Variants in MDFIC2 observed in about 807,000 individuals in gnomAD.
MDFIC2 encodes the protein myoD family inhibitor domain-containing protein 2.
chr3:70,200,304 T>A (rs1042483432), intron 3 of MDFIC2, among the ~76,000 whole-genome samples: 2 of 152,188 alleles, frequency 1.3e-5, no homozygotes, highest in African/African-American at 4.8e-5. Context: ...ACTCTCCCCT[T>A]AGAGAAAAGT....
chr3:70,307,830 C>A (rs185085178), intron 2 of MDFIC2, among the ~76,000 whole-genome samples: 1 of 152,130 alleles, frequency 6.6e-6, no homozygotes, highest in African/African-American at 2.4e-5. Flanking sequence ...AGCACTCAAT[C>A]GGTTTTCTCA....
chr3:70,211,248 C>G (rs1444656823), intron 2 of MDFIC2, among the ~76,000 whole-genome samples: 1 of 151,416 alleles, frequency 6.6e-6, no homozygotes, highest in African/African-American at 2.4e-5. Context: ...CCTTTTCCTT[C>G]CTTTCTGCTT....
intron 2 of MDFIC2, among the ~76,000 whole-genome samples, chr3:70,209,004 G>C (rs1701316708): frequency 3.3e-5 from 5 of 152,054 alleles, no homozygotes; most frequent in Admixed American, 2.6e-4. Flanking sequence ...CTACAGATGA[G>C]AGAACACTAG....
At chr3:70,277,476 C>T (rs1404612408) in intron 2 of MDFIC2, among the ~76,000 whole-genome samples, 2 of 152,126 alleles carry the variant, frequency 1.3e-5, no homozygotes, top group African/African-American at 4.8e-5. Context: ...TCTTGATTCA[C>T]TTGATAATAT....
intron 2 of MDFIC2, among the ~76,000 whole-genome samples, chr3:70,270,528 T>A (rs1212486077): frequency 6.6e-6 from 1 of 152,212 alleles, no homozygotes; most frequent in African/African-American, 2.4e-5. Context: ...CTTTCTCAAG[T>A]ATGTATATAC....
intron 2 of MDFIC2, among the ~76,000 whole-genome samples, chr3:70,255,858 A>G (rs1188014802): frequency 2.0e-5 from 3 of 152,162 alleles, no homozygotes; most frequent in African/African-American, 7.2e-5. Context: ...AACTTTAGAA[A>G]ATGCTTTAAC....
intron 2 of MDFIC2, among the ~76,000 whole-genome samples, chr3:70,237,789 G>A (rs1701624716): frequency 6.6e-6 from 1 of 152,072 alleles, no homozygotes; most frequent in African/African-American, 2.4e-5. Context: ...CCGGTGCCAT[G>A]GCAGCCATAT....
intron 2 of MDFIC2, among the ~76,000 whole-genome samples, chr3:70,293,821 T>G (rs2106695617): frequency 6.6e-6 from 1 of 152,052 alleles, no homozygotes; most frequent in Non-Finnish European, 1.5e-5. Flanking sequence ...AGGAACCTGG[T>G]TATATTTATT....
At chr3:70,235,687 G>A (rs1178966326) in intron 2 of MDFIC2, among the ~76,000 whole-genome samples, 1 of 152,186 alleles carries the variant, frequency 6.6e-6, no homozygotes, top group African/African-American at 2.4e-5. Flanking sequence ...TCTGCACAAT[G>A]TGTAAGGGTT....
chr3:70,301,899 A>G (rs112025244), intron 2 of MDFIC2, among the ~76,000 whole-genome samples: 23 of 152,208 alleles, frequency 1.5e-4, no homozygotes, highest in African/African-American at 5.1e-4. Context: ...TTGATACGTG[A>G]AAGAGGAGTT....
intron 2 of MDFIC2, among the ~76,000 whole-genome samples, chr3:70,256,557 C>T (rs1044149107): frequency 1.3e-5 from 2 of 152,092 alleles, no homozygotes; most frequent in Non-Finnish European, 2.9e-5. Flanking sequence ...GAAATTAATA[C>T]AATATTGGAA....
chr3:70,220,210 C>G (rs915466083), intron 2 of MDFIC2, among the ~76,000 whole-genome samples: 4 of 151,992 alleles, frequency 2.6e-5, no homozygotes, highest in Admixed American at 2.0e-4. Flanking sequence ...CTCAGTTTGT[C>G]TTTTCTGTGT....
chr3:70,211,083 A>T (rs1701340410), intron 2 of MDFIC2, among the ~76,000 whole-genome samples: 1 of 151,944 alleles, frequency 6.6e-6, no homozygotes, highest in African/African-American at 2.4e-5. Context: ...CTCTCATTTG[A>T]CTCTTCATAG....
chr3:70,205,817 A>G (rs931232673), intron 3 of MDFIC2: 1 of 152,110 alleles, frequency 6.6e-6, no homozygotes, highest in Non-Finnish European at 1.5e-5. Context: ...GAGAAACTCC[A>G]GGCTTTCTTT....
At chr3:70,229,986 TAC>T (rs1355187954) in intron 2 of MDFIC2, among the ~76,000 whole-genome samples, 2 of 152,164 alleles carry the variant, frequency 1.3e-5, no homozygotes, top group African/African-American at 4.8e-5. Flanking sequence ...CTAAGATTTG[TAC>T]AAAGTATAAT....
chr3:70,219,535 A>G (rs1701443178), intron 2 of MDFIC2, among the ~76,000 whole-genome samples: 1 of 152,192 alleles, frequency 6.6e-6, no homozygotes, highest in African/African-American at 2.4e-5. Context: ...GATTGCAAGA[A>G]TAAGTTTGTA....
chr3:70,219,036 A>T (rs1701438650), intron 2 of MDFIC2, among the ~76,000 whole-genome samples: 1 of 152,168 alleles, frequency 6.6e-6, no homozygotes, highest in Non-Finnish European at 1.5e-5. Flanking sequence ...ATTTGTTCCA[A>T]TTTTTAGTAA....
chr3:70,254,127 A>G (rs1185849360), intron 2 of MDFIC2, among the ~76,000 whole-genome samples: 2 of 124,282 alleles, frequency 1.6e-5, no homozygotes, highest in African/African-American at 3.0e-5. Context: ...GTAATTGTAC[A>G]TAACAAAACC....
intron 2 of MDFIC2, among the ~76,000 whole-genome samples, chr3:70,296,138 C>T (rs772895396): frequency 3.9e-5 from 6 of 152,118 alleles, no homozygotes; most frequent in Non-Finnish European, 5.9e-5. Context: ...TTTATCAGTA[C>T]ATTTTCTTTA....
Sources: gnomAD v4.1 joint callset for allele counts (sites outside exome capture counted in the v4.1 genomes callset) on GRCh38, gnomAD v4.1.1 for gene constraint, MANE v1.5 for transcripts, NCBI Gene and HGNC (gene_info 2026-07-23, HGNC 2026-07-21) for gene names.